The following NUDCD1 variants were observed in gnomAD, a reference collection of about 807,000 sequenced individuals.
The protein encoded by NUDCD1 is NudC domain containing 1.
In NUDCD1, 60 loss-of-function variants were observed where a neutral mutation model predicts 67.8. The observed-to-expected ratio is 0.88, with a 90% CI of 0.72 to 1.10. NUDCD1 has a LOEUF of 1.10. Ranked by LOEUF, NUDCD1 falls within the 50% of genes least tolerant of loss-of-function variation. The pLI is 0.00. For synonymous variants in NUDCD1, 244 were observed against 230.8 expected, an observed-to-expected ratio of 1.06 and a Z score of -0.52; for missense variants, 643 against 695.0, an observed-to-expected ratio of 0.93 and a Z score of 0.84.
intron 1 of NUDCD1, among the ~76,000 whole-genome samples, chr8:109,330,958 T>C (rs1815790892): frequency 6.6e-6 from 1 of 151,968 alleles, no homozygotes; most frequent in South Asian, 2.1e-4. Context: ...ACCTAGGTGA[T>C]GGGTTGACGG....
intron 8 of NUDCD1, among the ~76,000 whole-genome samples, chr8:109,261,386 T>C (rs144229969): frequency 2.6e-5 from 4 of 152,114 alleles, no homozygotes; most frequent in Admixed American, 1.3e-4. Flanking sequence ...ATGAAAACTA[T>C]GTAAGAGTCA....
At chr8:109,257,507 A>G (rs1225923615) in intron 8 of NUDCD1, among the ~76,000 whole-genome samples, 1 of 152,160 alleles carries the variant, frequency 6.6e-6, no homozygotes, top group African/African-American at 2.4e-5. Context: ...TCATTAAAGT[A>G]TCAATTCTCC....
intron 2 of NUDCD1, among the ~76,000 whole-genome samples, chr8:109,308,260 T>G (rs534497853): frequency 6.6e-6 from 1 of 152,198 alleles, no homozygotes; most frequent in African/African-American, 2.4e-5. Flanking sequence ...AGATGGAAAT[T>G]AAAAAATTCT....
chr8:109,322,487 T>C (rs772555833), intron 1 of NUDCD1, 24 bp from the exon 2 acceptor site: 1 of 1,572,070 alleles, frequency 6.4e-7, no homozygotes, highest in South Asian at 1.2e-5. Flanking sequence ...AAAGCAAACA[T>C]AAACATCAAG....
intron 8 of NUDCD1, among the ~76,000 whole-genome samples, chr8:109,268,380 G>A (rs183885149): frequency 9.3e-4 from 142 of 152,276 alleles, no homozygotes; most frequent in African/African-American, 3.2e-3. Context: ...AGTTAAATCT[G>A]CTAAATTCTA....
intron 1 of NUDCD1, among the ~76,000 whole-genome samples, chr8:109,323,759 C>A (rs1178295848): frequency 2.6e-5 from 4 of 152,094 alleles, no homozygotes; most frequent in Admixed American, 1.3e-4. Flanking sequence ...ATCTCATGCT[C>A]ATGGATCAGA....
intron 2 of NUDCD1, among the ~76,000 whole-genome samples, chr8:109,318,200 A>T (rs1369497412): frequency 6.6e-6 from 1 of 152,202 alleles, no homozygotes; most frequent in Non-Finnish European, 1.5e-5. Context: ...GCTACATTAC[A>T]TGTGCCACAA....
chr8:109,299,473 G>A (rs1814923738), intron 2 of NUDCD1, among the ~76,000 whole-genome samples: 1 of 152,110 alleles, frequency 6.6e-6, no homozygotes, highest in Non-Finnish European at 1.5e-5. Flanking sequence ...GCCTGTAACT[G>A]CTGGTTCTCC....
chr8:109,324,890 T>C (rs1815635753), intron 1 of NUDCD1, among the ~76,000 whole-genome samples: 1 of 151,988 alleles, frequency 6.6e-6, no homozygotes, highest in Non-Finnish European at 1.5e-5. Context: ...ATTGAGACCA[T>C]CCTGGCCAAC....
chr8:109,333,719 A>T (rs1815872994), intron 1 of NUDCD1, among the ~76,000 whole-genome samples, 174 bp downstream of exon 1: 1 of 152,062 alleles, frequency 6.6e-6, no homozygotes, highest in South Asian at 2.1e-4. Flanking sequence ...GGCGGCTCCC[A>T]CCGGGTTCTG....
At chr8:109,325,085 C>T (rs1262547878) in intron 1 of NUDCD1, among the ~76,000 whole-genome samples, 1 of 151,792 alleles carries the variant, frequency 6.6e-6, no homozygotes, top group Non-Finnish European at 1.5e-5. Context: ...GAGACTTCAT[C>T]TCAAAAATAA....
chr8:109,299,298 C>A (rs572456161), intron 2 of NUDCD1, among the ~76,000 whole-genome samples: 1 of 152,150 alleles, frequency 6.6e-6, no homozygotes, highest in Non-Finnish European at 1.5e-5. Context: ...ACTCCACAGG[C>A]AGGCAAAGAA....
At chr8:109,303,545 C>T (rs1282470079) in intron 2 of NUDCD1, among the ~76,000 whole-genome samples, 1 of 152,148 alleles carries the variant, frequency 6.6e-6, no homozygotes, top group Non-Finnish European at 1.5e-5. Context: ...TAGTTATCCT[C>T]ACCTGCCCCG....
At chr8:109,289,652 A>T (rs538228924) in intron 5 of NUDCD1, 99 bp downstream of exon 5, 13 of 609,386 alleles carry the variant, frequency 2.1e-5, no homozygotes, top group Non-Finnish European at 3.3e-5. Context: ...TTATGCATCT[A>T]TCTTGCCCTT....
chr8:109,289,730 T>C (rs780076373), intron 5 of NUDCD1, 21 bp downstream of exon 5: 1 of 1,193,716 alleles, frequency 8.4e-7, no homozygotes, highest in South Asian at 1.3e-5. Flanking sequence ...ACCAATAAGC[T>C]CTATTAAGAA....
intron 3 of NUDCD1, among the ~76,000 whole-genome samples, chr8:109,294,834 C>A (rs940724089): frequency 2.6e-5 from 4 of 152,024 alleles, no homozygotes; most frequent in Non-Finnish European, 5.9e-5. Context: ...CCTTACCCCC[C>A]ACCATGCTCC....
At chr8:109,332,067 G>A (rs2130163252) in intron 1 of NUDCD1, among the ~76,000 whole-genome samples, 1 of 152,184 alleles carries the variant, frequency 6.6e-6, no homozygotes, top group Admixed American at 6.5e-5. Flanking sequence ...TCATTTTATT[G>A]AATACATCCT....
Position 109,281,019 on chromosome 8 carries a change from T to G in NUDCD1, c.977A>C (p.Tyr326Ser), listed in dbSNP as rs1554614062. The G allele has an allele frequency of 1.2e-6, 2 of 1,610,300 alleles. No individual in the cohort carries two copies. The highest frequency in any genetic ancestry group is 2.2e-5 in the South Asian group (2 of 90,984). ...ACTGCTTTCATGATCAATAGATGAA[T>G]AGAGTTTTCCTTCTAAAAACTGGTG... ...KDHQFLEGKLYSSIDHESSTW... is the reference protein window; with the variant it reads ...KDHQFLEGKLSSSIDHESSTW... The change falls in exon 6 of 10, where the codon TAT becomes TCT. Residue 326 changes from tyrosine to serine, a missense_variant. Coordinates refer to ENST00000239690, the MANE Select transcript of NUDCD1 (RefSeq NM_032869.4).
chr8:109,328,259 C>T (rs1172180576), intron 1 of NUDCD1, among the ~76,000 whole-genome samples: 1 of 152,194 alleles, frequency 6.6e-6, no homozygotes, highest in Non-Finnish European at 1.5e-5. Flanking sequence ...ACAACGGTTA[C>T]ATGGCTTTTC....
Sources: gnomAD v4.1 joint callset for allele counts (sites outside exome capture counted in the v4.1 genomes callset) on GRCh38, gnomAD v4.1.1 for gene constraint, MANE v1.5 for transcripts, NCBI Gene and HGNC (gene_info 2026-07-23, HGNC 2026-07-21) for gene names.